Variants in ZNF385C observed in about 807,000 individuals in gnomAD.
The protein encoded by ZNF385C is CTD-2132N18.2.
Under a neutral mutation model 35.4 loss-of-function variants are expected in ZNF385C, and 28 were observed. That is an observed-to-expected ratio of 0.79 (90% CI 0.59 to 1.08). The LOEUF (loss-of-function observed/expected upper bound fraction) is 1.08, where lower values mean the gene tolerates loss of function less well. Among genes scored for constraint, ZNF385C ranks in the 50% least tolerant of loss-of-function variants. The pLI is 0.00. For synonymous variants in ZNF385C, 248 were observed against 248.2 expected (o/e 1.00, Z 0.01); for missense variants, 605 against 595.6 (o/e 1.02, Z -0.16).
intron 1 of ZNF385C, among the ~76,000 whole-genome samples, chr17:42,096,726 G>A (rs1487237619): frequency 6.6e-6 from 1 of 152,174 alleles, no homozygotes; most frequent in African/African-American, 2.4e-5. Context: ...CTCCAAGCCA[G>A]AGCTTGTTCC....
At chr17:42,027,198 C>T (rs1476858830) in intron 8 of ZNF385C, 65 bp from the exon 9 acceptor site, 40 of 1,428,078 alleles carry the variant, frequency 2.8e-5, no homozygotes, top group Admixed American at 3.6e-5. Flanking sequence ...CTCCCTGGGG[C>T]CCATCCTCAA....
At chr17:42,036,349 T>C (rs1555655465) in intron 3 of ZNF385C, among the ~76,000 whole-genome samples, 1 of 152,082 alleles carries the variant, frequency 6.6e-6, no homozygotes, top group Non-Finnish European at 1.5e-5. Flanking sequence ...TAAGGCTTTA[T>C]GTTCCCTTTT....
intron 1 of ZNF385C, among the ~76,000 whole-genome samples, chr17:42,078,409 G>GAAAA (rs1227220447): frequency 7.0e-6 from 1 of 142,296 alleles, no homozygotes; most frequent in African/African-American, 2.6e-5. Context: ...TTTCCATTAA[G>GAAAA]AAAAAAAAAA....
chr17:42,045,015 T>C (rs1359640597), intron 2 of ZNF385C, among the ~76,000 whole-genome samples: 71 of 151,890 alleles, frequency 4.7e-4, no homozygotes, highest in African/African-American at 1.5e-3. Flanking sequence ...CCTCCCGGGT[T>C]CACACCATTC....
At chr17:42,054,904 C>A (rs995668247) in intron 2 of ZNF385C, among the ~76,000 whole-genome samples, 7 of 152,078 alleles carry the variant, frequency 4.6e-5, no homozygotes, top group African/African-American at 1.7e-4. Context: ...ACTCCTGACA[C>A]CCCTCCCATG....
chr17:42,064,544 CCTAATT>C lies in ZNF385C; in HGVS notation c.-2-1492_-2-1487del, dbSNP rs1396382917. 3.3e-5 allele frequency among the ~76,000 whole-genome samples: 5 copies of C among 151,812 alleles called. No individual in the cohort carries two copies. In the East Asian group the frequency reaches 9.7e-4, roughly 29 times the overall value. ...AGTTAATGAGGTCATACCGGTGGGC[CCTAATT>C]CATATGATGGGTGTCTTTATTTTTT... On this transcript the variant is annotated intron_variant, in intron 1 of 8. Transcript: ENST00000692273.
At position 42,040,952 on chromosome 17, in the gene ZNF385C, C is replaced by T. The variant is rs912172462; in HGVS notation, c.251-3067G>A. 1.9e-5 allele frequency: 23 copies of T among 1,232,096 alleles called. No individual in the cohort carries two copies. In the East Asian group the frequency reaches 3.2e-4, roughly 17 times the overall value. 76.3% of individuals were successfully genotyped at this position (1,232,096 alleles called of 1,614,324 possible). A position where few individuals can be genotyped will look rare whatever the true frequency, so the allele number is the denominator to read the frequency against. On this transcript the variant is annotated intron_variant, in intron 2 of 8. Transcript: ENST00000692273. ...AGCCAGGCCAGCTTGGGTGCAGATA[C>T]GCCGAAAGCCTGCAGGATGTCCAAG...
intron 1 of ZNF385C, among the ~76,000 whole-genome samples, chr17:42,076,448 C>T (rs1041196977): frequency 6.6e-6 from 1 of 152,080 alleles, no homozygotes; most frequent in African/African-American, 2.4e-5. Flanking sequence ...GGTGAAACCC[C>T]ATCTCTACTA....
chr17:42,041,396 C>T (rs1208950676), intron 2 of ZNF385C, among the ~76,000 whole-genome samples: 1 of 152,190 alleles, frequency 6.6e-6, no homozygotes, highest in African/African-American at 2.4e-5. Context: ...ATCTCTACAG[C>T]TCCTGGCCTG....
intron 2 of ZNF385C, among the ~76,000 whole-genome samples, chr17:42,061,030 C>G (rs1263386380): frequency 6.6e-6 from 1 of 152,046 alleles, no homozygotes; most frequent in African/African-American, 2.4e-5. Context: ...CTTGAGGCAC[C>G]CTGAATCCAC....
chr17:42,041,586 GT>G (rs781802716), intron 2 of ZNF385C, among the ~76,000 whole-genome samples: 1 of 152,138 alleles, frequency 6.6e-6, no homozygotes, highest in East Asian at 1.9e-4. Context: ...AGGAAAGCTA[GT>G]TTTTTCACTG....
intron 2 of ZNF385C, among the ~76,000 whole-genome samples, chr17:42,052,391 A>C (rs2053299477): frequency 6.6e-6 from 1 of 152,110 alleles, no homozygotes; most frequent in African/African-American, 2.4e-5. Flanking sequence ...CATATCACCC[A>C]TGGATAGTGG....
chr17:42,096,482 C>T (rs912107451), intron 1 of ZNF385C, among the ~76,000 whole-genome samples: 4 of 152,224 alleles, frequency 2.6e-5, no homozygotes, highest in African/African-American at 9.6e-5. Context: ...GCACTCCCTC[C>T]CTTGCCCAGG....
chr17:42,087,973 G>A (rs1290542556), intron 1 of ZNF385C, among the ~76,000 whole-genome samples: 1 of 152,186 alleles, frequency 6.6e-6, no homozygotes, highest in Non-Finnish European at 1.5e-5. Flanking sequence ...TTTTAGGGCT[G>A]TAGGCCATGC....
intron 1 of ZNF385C, among the ~76,000 whole-genome samples, chr17:42,072,233 C>T (rs961791478): frequency 6.6e-6 from 1 of 152,040 alleles, no homozygotes; most frequent in Non-Finnish European, 1.5e-5. Flanking sequence ...CTGGTCGCGC[C>T]CCCTATCTCC....
intron 2 of ZNF385C, among the ~76,000 whole-genome samples, chr17:42,049,411 C>T (rs2053238615): frequency 6.6e-6 from 1 of 152,252 alleles, no homozygotes; most frequent in Non-Finnish European, 1.5e-5. Context: ...AGGTAACTAA[C>T]TTCTTCATGT....
chr17:42,040,702 A>C (rs912262205), intron 2 of ZNF385C: 42 of 1,232,172 alleles, frequency 3.4e-5, no homozygotes, highest in Non-Finnish European at 4.1e-5. Context: ...TGCCAAGTCA[A>C]TAGCTGCAAG....
chr17:42,031,821 C>A, intron 4 of ZNF385C, 37 bp from the exon 5 acceptor site: 1 of 1,544,602 alleles, frequency 6.5e-7, no homozygotes, highest in South Asian at 1.2e-5. Context: ...CATTCACTGG[C>A]TGAGTCCACA....
intron 1 of ZNF385C, among the ~76,000 whole-genome samples, chr17:42,085,281 T>G (rs1387507466): frequency 1.3e-5 from 2 of 152,074 alleles, no homozygotes; most frequent in African/African-American, 4.8e-5. Flanking sequence ...CATTTTTTTT[T>G]GTTTTTAATT....
Sources: gnomAD v4.1 joint callset for allele counts (sites outside exome capture counted in the v4.1 genomes callset) on GRCh38, gnomAD v4.1.1 for gene constraint, MANE v1.5 for transcripts, NCBI Gene and HGNC (gene_info 2026-07-23, HGNC 2026-07-21) for gene names.